Variants in PCNX2 observed in about 807,000 individuals in gnomAD.
PCNX2 encodes pecanex 2, also known as pecanex-like protein 2.
Under a neutral mutation model 223.8 loss-of-function variants are expected in PCNX2, and 168 were observed. The observed-to-expected ratio is 0.75, with a 90% CI of 0.66 to 0.85. PCNX2 has a LOEUF of 0.85. PCNX2 is among the 40% of genes least tolerant of loss of function. The pLI, the probability that PCNX2 is intolerant of heterozygous loss-of-function variation, is 0.00. For synonymous variants in PCNX2, 1,006 were observed against 1,052.6 expected (o/e 0.96, Z 0.86); for missense variants, 2,507 against 2,675.5 (o/e 0.94, Z 1.39).
At chr1:233,272,232 C>A (rs1418563677) in intron 1 of PCNX2, among the ~76,000 whole-genome samples, 2 of 149,194 alleles carry the variant, frequency 1.3e-5, no homozygotes, top group African/African-American at 4.9e-5. Context: ...AAAATCTTCA[C>A]AATCTATACA....
intron 21 of PCNX2, among the ~76,000 whole-genome samples, chr1:233,120,575 T>C (rs1675724583): frequency 6.6e-6 from 1 of 152,154 alleles, no homozygotes; most frequent in South Asian, 2.1e-4. Context: ...AAAGTAAAAG[T>C]ACCTACCCAT....
At chr1:233,161,204 T>C (rs1678452961) in intron 18 of PCNX2, 67 bp downstream of exon 18, 12 of 1,431,282 alleles carry the variant, frequency 8.4e-6, no homozygotes, top group Non-Finnish European at 1.2e-5. Context: ...ACCCTGTAGC[T>C]CCATGACAGC....
intron 19 of PCNX2, among the ~76,000 whole-genome samples, chr1:233,145,649 C>T (rs1049442788): frequency 5.3e-5 from 8 of 152,076 alleles, no homozygotes; most frequent in Admixed American, 1.3e-4. Flanking sequence ...CAGTCACTAC[C>T]GGAGGCTGCC....
At chr1:233,243,169 A>G (rs1302939657) in intron 8 of PCNX2, among the ~76,000 whole-genome samples, 1 of 152,246 alleles carries the variant, frequency 6.6e-6, no homozygotes, top group Non-Finnish European at 1.5e-5. Context: ...CCAAAGAGAC[A>G]TGGAAGTTAC....
chr1:233,167,688 C>T, intron 17 of PCNX2: 1 of 942,584 alleles, frequency 1.1e-6, no homozygotes, highest in Non-Finnish European at 1.3e-6. Flanking sequence ...TTTAAATATA[C>T]ACAATAAAAT....
In PCNX2 at chr1:233,033,288, T is replaced by C. The variant is rs187761050; in HGVS notation, c.4352-7889A>G. On this transcript the variant is annotated intron_variant, in intron 25 of 33. Coordinates refer to ENST00000258229, the MANE Select transcript of PCNX2 (RefSeq NM_014801.4). ...ATAAACTTAATCTAAAAGGTATACA[T>C]AGTATGAAAGCAAATGAAGAAATTT... is the stretch of plus-strand genomic sequence containing the variant. The C allele has an allele frequency of 8.0e-5, 62 of 770,348 alleles. No homozygotes were observed. The African/African-American group carries it at 1.1e-3, about 14-fold the overall frequency. The allele number at this position is 770,348 out of a possible 1,614,324, so 47.7% of individuals were successfully genotyped here. A position where few individuals can be genotyped will look rare whatever the true frequency, so the allele number is the denominator to read the frequency against.
chr1:233,232,907 T>C (rs1049017957), intron 9 of PCNX2: 4 of 984,412 alleles, frequency 4.1e-6, no homozygotes, highest in Non-Finnish European at 1.2e-6. Context: ...TAGACTTGCA[T>C]AGAGCTTTAG....
chr1:233,044,332 C>T (rs898498659), intron 25 of PCNX2, among the ~76,000 whole-genome samples: 23 of 152,222 alleles, frequency 1.5e-4, no homozygotes, highest in African/African-American at 5.3e-4. Context: ...GAGTAGGTTG[C>T]AAAAATTTTC....
intron 20 of PCNX2, 66 bp from the exon 21 acceptor site, chr1:233,135,256 G>A (rs1017148854): frequency 4.8e-5 from 69 of 1,445,314 alleles, no homozygotes; most frequent in Non-Finnish European, 4.7e-5. Flanking sequence ...AGTTTCATTC[G>A]CTAACAATTC....
Position 233,139,587 on chromosome 1 carries a change from G to T in PCNX2, c.3659+127C>A. 8.7e-7 allele frequency: 1 copy of T among 1,148,380 alleles called. No homozygotes were observed. The highest frequency in any genetic ancestry group is 1.2e-6 in the Non-Finnish European group (1 of 825,626). 71.1% of individuals were successfully genotyped at this position (1,148,380 alleles called of 1,614,324 possible). A position where few individuals can be genotyped will look rare whatever the true frequency, so the allele number is the denominator to read the frequency against. On this transcript the variant is annotated intron_variant, in intron 20 of 33. Coordinates refer to ENST00000258229, the MANE Select transcript of PCNX2 (RefSeq NM_014801.4). The surrounding 1 kb of genome is among the most constrained non-coding windows in gnomAD (Gnocchi z 4.4). ...GGGTTTTGAGTAAAAGACCACCATGGCTTATTTTTACATGGCCAATCACAG... is the reference window on the plus strand; with the variant it reads ...GGGTTTTGAGTAAAAGACCACCATGTCTTATTTTTACATGGCCAATCACAG...
chr1:233,196,947 A>C (rs1462409044), intron 15 of PCNX2, among the ~76,000 whole-genome samples: 1 of 152,184 alleles, frequency 6.6e-6, no homozygotes, highest in African/African-American at 2.4e-5. Context: ...AGTTTGTGTC[A>C]TGATTGTGAT....
At chr1:233,084,975 A>C (rs1246236629) in intron 23 of PCNX2, among the ~76,000 whole-genome samples, 2 of 152,230 alleles carry the variant, frequency 1.3e-5, no homozygotes, top group Non-Finnish European at 2.9e-5. Context: ...TCACCCCAGC[A>C]AACGTGAAGC....
In PCNX2 at chr1:233,001,619, C is replaced by T. The variant is rs777486494; in HGVS notation, c.5015G>A (p.Arg1672His). The part of the protein sequence containing the change: ...LFKGDFRITA[R>H]DEWVFADMDL... ...CATGTCAGCAAATACCCACTCGTCACGTGCTGTTATTCTGAAGTCACCTTT... is the reference window on the plus strand; with the variant it reads ...CATGTCAGCAAATACCCACTCGTCATGTGCTGTTATTCTGAAGTCACCTTT... Residue 1672 changes from arginine (R) to histidine (H), a missense_variant, in exon 29 of 34, where the codon CGT (arginine) becomes CAT (histidine). Arg to His is a conservative substitution (Grantham distance 29). Around this residue, in one of 3 missense-constraint regions of PCNX2, gnomAD observed 1,372 missense variants for 1,509.4 expected, o/e 0.91. Coordinates refer to ENST00000258229, the MANE Select transcript of PCNX2 (RefSeq NM_014801.4). The surrounding 1 kb of genome is among the most constrained non-coding windows in gnomAD (Gnocchi z 4.2). 46 of 1,588,708 alleles carry T rather than the reference C, an allele frequency of 2.9e-5. No homozygotes were observed. The highest frequency in any genetic ancestry group is 6.7e-5 in the African/African-American group (5 of 74,572).
At chr1:233,037,760 G>C (rs1671506312) in intron 25 of PCNX2, among the ~76,000 whole-genome samples, 1 of 152,158 alleles carries the variant, frequency 6.6e-6, no homozygotes, top group South Asian at 2.1e-4. Context: ...ATTTTATATT[G>C]CAACAGTTTT....
chr1:233,151,246 C>T (rs905851748), intron 19 of PCNX2, among the ~76,000 whole-genome samples: 1 of 152,248 alleles, frequency 6.6e-6, no homozygotes, highest in Non-Finnish European at 1.5e-5. Context: ...ATATATCATC[C>T]TATCCTAGAG....
At chr1:233,221,493 C>T (rs905898694) in intron 10 of PCNX2, among the ~76,000 whole-genome samples, 1 of 152,208 alleles carries the variant, frequency 6.6e-6, no homozygotes, top group East Asian at 1.9e-4. Flanking sequence ...CCCCCAGGTT[C>T]CCAATCCTCT....
intron 19 of PCNX2, among the ~76,000 whole-genome samples, chr1:233,146,013 A>G (rs1453697898): frequency 6.6e-6 from 1 of 152,228 alleles, no homozygotes; most frequent in Non-Finnish European, 1.5e-5. Context: ...TGACACCTAA[A>G]GAAATGCTCA....
At chr1:233,236,671 G>T (rs770124143) in intron 9 of PCNX2, among the ~76,000 whole-genome samples, 174 bp downstream of exon 9, 5 of 152,168 alleles carry the variant, frequency 3.3e-5, no homozygotes, top group Non-Finnish European at 7.3e-5. Context: ...CTATCTATCT[G>T]ATTTCCTTTC....
intron 1 of PCNX2, among the ~76,000 whole-genome samples, chr1:233,279,173 A>AT (rs1204453670): frequency 2.0e-5 from 3 of 152,096 alleles, no homozygotes; most frequent in Admixed American, 1.3e-4. Context: ...TCAAAAATAA[A>AT]TTTTTTTAAG....
Sources: allele counts gnomAD v4.1 joint callset (sites outside exome capture counted in the v4.1 genomes callset), GRCh38; gene constraint gnomAD v4.1.1; regional missense constraint gnomAD v4.1.1; non-coding constraint Gnocchi (gnomAD v3.1); transcripts MANE v1.5; gene names NCBI Gene and HGNC (gene_info 2026-07-23, HGNC 2026-07-21).